GATAD2B: variants seen among roughly 807,000 people sequenced by gnomAD.
GATAD2B encodes the protein transcriptional repressor p66-beta.
In GATAD2B, 8 loss-of-function variants were observed where a neutral mutation model predicts 64.3. The observed-to-expected ratio is 0.12, with a 90% confidence interval of 0.07 to 0.22. The LOEUF (loss-of-function observed/expected upper bound fraction) is 0.22, where lower values mean the gene tolerates loss of function less well. GATAD2B is among the 10% of genes least tolerant of loss of function. The pLI, the probability that GATAD2B is intolerant of heterozygous loss-of-function variation, is 1.00. For missense variants in GATAD2B, 453 were observed against 752.0 expected (o/e 0.60, Z 4.65); for synonymous variants, 281 against 271.3 (o/e 1.04, Z -0.35).
intron 1 of GATAD2B, among the ~76,000 whole-genome samples, chr1:153,843,219 T>G (rs1042163464): frequency 6.6e-6 from 1 of 151,216 alleles, no homozygotes; most frequent in Non-Finnish European, 1.5e-5. Context: ...ACTGTAACCT[T>G]GACCTCCTGG....
intron 1 of GATAD2B, among the ~76,000 whole-genome samples, chr1:153,881,116 A>C (rs1442192361): frequency 6.6e-6 from 1 of 152,048 alleles, no homozygotes. Context: ...CCTAGACTGC[A>C]GGCCTTTCCC....
chr1:153,876,265 T>C (rs1676831904), intron 1 of GATAD2B, among the ~76,000 whole-genome samples: 1 of 75,340 alleles, frequency 1.3e-5, no homozygotes, highest in Non-Finnish European at 2.8e-5. Context: ...AAAAAAGATT[T>C]CACAGTCCTT....
At chr1:153,865,031 C>T (rs912757591) in intron 1 of GATAD2B, among the ~76,000 whole-genome samples, 1 of 152,138 alleles carries the variant, frequency 6.6e-6, no homozygotes, top group Non-Finnish European at 1.5e-5. Flanking sequence ...GATCCCGCCA[C>T]TGCACTCCAG....
chr1:153,829,718 A>G (rs779614426), intron 1 of GATAD2B, among the ~76,000 whole-genome samples: 7 of 152,234 alleles, frequency 4.6e-5, no homozygotes, highest in Non-Finnish European at 8.8e-5. Context: ...CCTGGGCGAC[A>G]GAGTGAGACT....
Position 153,807,089 on chromosome 1 carries a change from T to G in GATAD2B, c.*3088A>C, listed in dbSNP as rs967770090. On this transcript the variant is annotated 3_prime_UTR_variant, in exon 11 of 11. Transcript: ENST00000368655. ...AAGAACCTCTGTCCCCTAGTTTTAC[T>G]CAAGCCTTACCGCTATTCCACCCAT... The G allele has an allele frequency of 2.0e-5, 3 of 152,198 alleles. No homozygotes were observed. The highest frequency in any genetic ancestry group is 4.4e-5 in the Non-Finnish European group (3 of 68,036). The allele number at this position is 152,198 out of a possible 1,614,324, so 9.4% of individuals were successfully genotyped here.
chr1:153,829,498 G>A (rs1675003219), intron 1 of GATAD2B, among the ~76,000 whole-genome samples: 1 of 152,142 alleles, frequency 6.6e-6, no homozygotes, highest in Non-Finnish European at 1.5e-5. Flanking sequence ...AGCATTTTGG[G>A]AGGCCGAGGA....
At chr1:153,823,360 C>T (rs1447954891) in intron 2 of GATAD2B, among the ~76,000 whole-genome samples, 1 of 152,204 alleles carries the variant, frequency 6.6e-6, no homozygotes, top group Non-Finnish European at 1.5e-5. Flanking sequence ...ACTGCTGTGT[C>T]TCTCTAGAAT....
intron 4 of GATAD2B, 118 bp downstream of exon 4, chr1:153,818,673 A>G (rs1381199444): frequency 2.2e-6 from 2 of 905,716 alleles, no homozygotes; most frequent in African/African-American, 1.7e-5. Context: ...ACTACAGACT[A>G]AAAAACTACG....
Position 153,808,786 on chromosome 1 carries a change from C to T in GATAD2B, c.*1391G>A, listed in dbSNP as rs1362581331. 8.0e-6 allele frequency: 1 copy of T among 124,546 alleles called. No homozygotes were observed. The highest frequency in any genetic ancestry group is 3.2e-5 in the African/African-American group (1 of 31,678). 7.7% of individuals were successfully genotyped at this position (124,546 alleles called of 1,614,324 possible). A position where few individuals can be genotyped will look rare whatever the true frequency, so the allele number is the denominator to read the frequency against. On this transcript the variant is annotated 3_prime_UTR_variant, in exon 11 of 11. Coordinates refer to ENST00000368655, the MANE Select transcript of GATAD2B (RefSeq NM_020699.4). ...ATTGCACAATTCAATTCATTCTCTA[C>T]ATTAGTAGCGCTTAAAAAAAAAAAA...
At chr1:153,815,819 G>A (rs955480416) in intron 7 of GATAD2B, among the ~76,000 whole-genome samples, 5 of 152,198 alleles carry the variant, frequency 3.3e-5, no homozygotes, top group East Asian at 1.9e-4. Context: ...TTAGGAAGCC[G>A]AGGTGGGCAG....
At chr1:153,897,420 C>T (rs1291758322) in intron 1 of GATAD2B, among the ~76,000 whole-genome samples, 5 of 152,090 alleles carry the variant, frequency 3.3e-5, no homozygotes, top group Non-Finnish European at 5.9e-5. Flanking sequence ...TCTTCTAATA[C>T]GATGAGAACA....
chr1:153,877,098 G>A (rs1327653943), intron 1 of GATAD2B, among the ~76,000 whole-genome samples: 1 of 152,176 alleles, frequency 6.6e-6, no homozygotes, highest in Non-Finnish European at 1.5e-5. Context: ...ACTTTGGGGG[G>A]CTAAGGCAGA....
chr1:153,890,017 A>G (rs1381422613), intron 1 of GATAD2B, among the ~76,000 whole-genome samples: 1 of 151,912 alleles, frequency 6.6e-6, no homozygotes, highest in Non-Finnish European at 1.5e-5. Flanking sequence ...TACTAAAGAT[A>G]CAAAAAATTA....
chr1:153,853,431 A>C, intron 1 of GATAD2B: 1 of 627,394 alleles, frequency 1.6e-6, no homozygotes. Flanking sequence ...CTGGAGAAAT[A>C]AATCAACGGA....
intron 1 of GATAD2B, among the ~76,000 whole-genome samples, chr1:153,922,182 C>T (rs1051595023): frequency 3.9e-5 from 6 of 151,914 alleles, no homozygotes; most frequent in Non-Finnish European, 7.4e-5. Flanking sequence ...TTATCTGGTG[C>T]TTCCTTTACC....
chr1:153,811,746 G>C lies in GATAD2B; in HGVS notation c.1633C>G (p.Leu545Val). The change falls in exon 10 of 11, where the codon CTC (leucine) becomes GTC (valine). Residue 545 changes from leucine to valine, a missense_variant. By Grantham distance (32) the Leu-to-Val change is conservative. Transcript: ENST00000368655. ...QAPQLSVPGGLLGMPGVNIAY... is the reference protein window; with the variant it reads ...QAPQLSVPGGVLGMPGVNIAY... The stretch of plus-strand genomic sequence containing the variant: ...TCCTTCTTACCTGGCATACCAAGGA[G>C]GCCACCTGGCACAGACAACTGGGGT... The C allele has an allele frequency of 6.2e-7, 1 of 1,607,926 alleles. No individual in the cohort carries two copies. The highest frequency in any genetic ancestry group is 1.3e-5 in the African/African-American group (1 of 74,822).
chr1:153,822,392 T>A (rs1368718914), intron 2 of GATAD2B, among the ~76,000 whole-genome samples: 1 of 152,156 alleles, frequency 6.6e-6, no homozygotes, highest in Non-Finnish European at 1.5e-5. Flanking sequence ...GGATGGAGAT[T>A]TGGGAACTGT....
chr1:153,862,326 TTGG>T (rs1186168783), intron 1 of GATAD2B, among the ~76,000 whole-genome samples: 1 of 152,032 alleles, frequency 6.6e-6, no homozygotes, highest in Non-Finnish European at 1.5e-5. Flanking sequence ...TTTCACCATG[TTGG>T]CCAGACTGGT....
At chr1:153,920,698 G>A (rs556588741) in intron 1 of GATAD2B, among the ~76,000 whole-genome samples, 7 of 152,300 alleles carry the variant, frequency 4.6e-5, no homozygotes, top group Non-Finnish European at 8.8e-5. Flanking sequence ...GTGTTCTCAA[G>A]TAAGGAATAA....
Sources: gnomAD v4.1 joint callset for allele counts (sites outside exome capture counted in the v4.1 genomes callset) on GRCh38, gnomAD v4.1.1 for gene constraint, MANE v1.5 for transcripts, NCBI Gene and HGNC (gene_info 2026-07-23, HGNC 2026-07-21) for gene names.